Variants in RBBP6 observed in about 807,000 individuals in gnomAD.
The protein encoded by RBBP6 is RB binding protein 6, ubiquitin ligase, also known as E3 ubiquitin-protein ligase RBBP6.
RBBP6 carries 25 observed loss-of-function variants against 167.7 expected under a neutral mutation model. The ratio of observed to expected loss-of-function variants is 0.15; its 90% CI spans 0.11 to 0.21. The LOEUF is 0.21. Ranked by LOEUF, RBBP6 falls within the 10% of genes least tolerant of loss-of-function variation. RBBP6 has a pLI of 1.00. For synonymous variants in RBBP6, 789 were observed against 735.8 expected, an observed-to-expected ratio of 1.07 and a Z score of -1.17; for missense variants, 1,868 against 2,134.2, an observed-to-expected ratio of 0.88 and a Z score of 2.46.
At chr16:24,563,017 A>C (rs114057711) in intron 10 of RBBP6, among the ~76,000 whole-genome samples, 182 bp from the exon 11 acceptor site, 1 of 152,072 alleles carries the variant, frequency 6.6e-6, no homozygotes, top group South Asian at 2.1e-4. Context: ...TTACTTTTCC[A>C]CTTACTACAT....
intron 10 of RBBP6, among the ~76,000 whole-genome samples, chr16:24,562,884 A>T (rs1899100240): frequency 6.6e-6 from 1 of 152,140 alleles, no homozygotes; most frequent in African/African-American, 2.4e-5. Context: ...CTAGAGCTAA[A>T]ACTTAACTCT....
chr16:24,560,274 T>C (rs1056218482), intron 8 of RBBP6, among the ~76,000 whole-genome samples: 2 of 152,076 alleles, frequency 1.3e-5, no homozygotes, highest in South Asian at 4.2e-4. Context: ...ACCCGGCTAA[T>C]GTTTTGTATT....
chr16:24,567,081 A>T (rs1899212306), intron 14 of RBBP6, 62 bp from the exon 15 acceptor site: 1 of 1,500,270 alleles, frequency 6.7e-7, no homozygotes, highest in African/African-American at 1.4e-5. Context: ...AGAAGAGATA[A>T]GCTTACTTGT....
chr16:24,552,590 A>C (rs1160681230), intron 3 of RBBP6, among the ~76,000 whole-genome samples: 1 of 151,824 alleles, frequency 6.6e-6, no homozygotes, highest in Non-Finnish European at 1.5e-5. Flanking sequence ...TTTAAAATAC[A>C]TTTTTATTTT....
At chr16:24,542,677 G>C (rs1898533980) in intron 1 of RBBP6, among the ~76,000 whole-genome samples, 1 of 152,104 alleles carries the variant, frequency 6.6e-6, no homozygotes, top group South Asian at 2.1e-4. Context: ...TGGCCAGGCT[G>C]GTCTCGAACT....
chr16:24,570,300 G>C lies in RBBP6; in HGVS notation c.3610G>C (p.Ala1204Pro), dbSNP rs1466340614. Reference sequence around the variant, plus strand: ...TGAAAAGGACAAAATTTCTTTAAGTGCGCCAGCCAAAAAAATCAAACTCAA... The same window carrying C: ...TGAAAAGGACAAAATTTCTTTAAGTCCGCCAGCCAAAAAAATCAAACTCAA... Reference protein sequence around the residue: ...TPEKDKISLSAPAKKIKLNRE... With the variant: ...TPEKDKISLSPPAKKIKLNRE... Residue 1204 changes from alanine to proline, a missense_variant, in exon 17 of 18, where the codon GCG (alanine) becomes CCG (proline). Coordinates refer to ENST00000319715, the MANE Select transcript of RBBP6 (RefSeq NM_006910.5). The C allele has an allele frequency of 1.2e-6, 2 of 1,609,740 alleles. No individual in the cohort carries two copies. Among genetic ancestry groups the C allele is most frequent in the African/African-American group, 2.7e-5 (2 of 74,488 alleles).
At position 24,571,014 on chromosome 16, in the gene RBBP6, T is replaced by A. The variant is rs1331800127; in HGVS notation, c.3948T>A (p.Val1316=). 1.2e-6 allele frequency: 2 copies of A among 1,612,846 alleles called. No homozygotes were observed. Among genetic ancestry groups the A allele is most frequent in the East Asian group, 2.2e-5 (1 of 44,832 alleles). Reference sequence around the variant, plus strand: ...AAGATGTTATCATTATGATTCAGGTTCCTCAATCCAAATGGGATAAAGATG... The same window carrying A: ...AAGATGTTATCATTATGATTCAGGTACCTCAATCCAAATGGGATAAAGATG... The part of the protein sequence containing the change: ...PAEDVIIMIQ[V]PQSKWDKDDF... Residue 1316 remains valine (V), a synonymous_variant, in exon 18 of 18, where the codon GTT becomes GTA. Transcript: ENST00000319715.
intron 4 of RBBP6, 49 bp downstream of exon 4, chr16:24,553,606 A>T (rs773201952): frequency 1.4e-6 from 2 of 1,424,970 alleles, no homozygotes; most frequent in Non-Finnish European, 1.9e-6. Context: ...TTCTAACATC[A>T]TATTTTTTTA....
chr16:24,554,772 T>G (rs1328725505), intron 4 of RBBP6: 1 of 151,522 alleles, frequency 6.6e-6, no homozygotes, highest in Non-Finnish European at 1.5e-5. Flanking sequence ...TTGGTTTTTT[T>G]TTTTTGTTTT....
intron 3 of RBBP6, chr16:24,549,436 T>A: frequency 1.1e-6 from 1 of 945,270 alleles, no homozygotes; most frequent in Non-Finnish European, 1.3e-6. Context: ...CACTTAGTTT[T>A]TGTTAGTTTT....
chr16:24,563,180 T>C lies in RBBP6; in HGVS notation c.1290-19T>C. ...ATTTCTGATAATTTTTAATGTATTA[T>C]AATTTATGTTTTTTAAAGGGATTCT... On this transcript the variant is annotated intron_variant, in intron 10 of 17. Coordinates refer to ENST00000319715, the MANE Select transcript of RBBP6 (RefSeq NM_006910.5). The C allele has an allele frequency of 6.4e-7, 1 of 1,569,176 alleles. No individual in the cohort carries two copies. Among genetic ancestry groups the C allele is most frequent in the Non-Finnish European group, 8.7e-7 (1 of 1,149,172 alleles).
chr16:24,571,180 A>G lies in RBBP6; in HGVS notation c.4114A>G (p.Lys1372Glu), dbSNP rs752059378. 3.3e-5 allele frequency: 54 copies of G among 1,613,934 alleles called. No homozygotes were observed. Among genetic ancestry groups the G allele is most frequent in the Admixed American group, 1.2e-4 (7 of 60,002 alleles). Residue 1372 changes from lysine (K) to glutamate (E), a missense_variant, in exon 18 of 18, where the codon AAA becomes GAA. Physicochemically the swap from Lys to Glu is moderately conservative, Grantham distance 56. This residue lies in a region of RBBP6 where 591 missense variants were observed against 540.5 expected (regional missense o/e 1.09). Coordinates refer to ENST00000319715, the MANE Select transcript of RBBP6 (RefSeq NM_006910.5). ...TGAGAAAGAAAGTGAGCCATCCGAG[A>G]AAATTCAGAAATTCACCAAGGACGT... ...YPEKESEPSE[K>E]IQKFTKDVSH...
Position 24,567,322 on chromosome 16 carries a change from G to T in RBBP6, c.1769G>T (p.Gly590Val). Residue 590 changes from glycine to valine, a missense_variant, in exon 15 of 18, where the codon GGC (glycine) becomes GTC (valine). This residue lies in a region of RBBP6 where 145 missense variants were observed against 224.3 expected (regional missense o/e 0.65). Coordinates refer to ENST00000319715, the MANE Select transcript of RBBP6 (RefSeq NM_006910.5). The stretch of plus-strand genomic sequence containing the variant: ...CAGTTTTCTCCTCAGTTTCCTCCTG[G>T]CCAGCCACCACCCGCTGGGTATAGT... Reference protein sequence around the residue: ...PPQFSPQFPPGQPPPAGYSVP... With the variant: ...PPQFSPQFPPVQPPPAGYSVP... 6.2e-7 allele frequency: 1 copy of T among 1,613,812 alleles called. No homozygotes were observed. The highest frequency in any genetic ancestry group is 8.5e-7 in the Non-Finnish European group (1 of 1,179,962).
intron 7 of RBBP6, chr16:24,558,376 CTTTTTTTCTTTTTTT>C (rs1378565761): frequency 3.0e-5 from 21 of 698,306 alleles, no homozygotes; most frequent in Admixed American, 6.4e-5. Context: ...CTGTTCTCCT[CTTTTTTTCTTTTTTT>C]TTTTTTTCTT....
At position 24,553,529 on chromosome 16, in the gene RBBP6, C is replaced by T. The variant is rs368643832; in HGVS notation, c.320C>T (p.Ala107Val). 1.9e-5 allele frequency: 30 copies of T among 1,609,476 alleles called. No homozygotes were observed. Among genetic ancestry groups the T allele is most frequent in the African/African-American group, 4.0e-5 (3 of 74,518 alleles). ...ATTKAIDDSS[A>V]SISLAQLTKT... ...TGTGAACAGATTGATGACTCTTCCG[C>T]GTCTATTTCTCTGGCCCAGCTTACA... Residue 107 changes from alanine to valine, a missense_variant, in exon 4 of 18, where the codon GCG becomes GTG. By Grantham distance (64) the Ala-to-Val change is moderately conservative. Coordinates refer to ENST00000319715, the MANE Select transcript of RBBP6 (RefSeq NM_006910.5).
intron 2 of RBBP6, among the ~76,000 whole-genome samples, chr16:24,547,238 G>T (rs1898680495): frequency 6.6e-6 from 1 of 152,072 alleles, no homozygotes; most frequent in Admixed American, 6.5e-5. Context: ...CCTCATATGG[G>T]CAAGTATTCT....
chr16:24,555,195 A>G (rs915305449), intron 4 of RBBP6: 17 of 153,558 alleles, frequency 1.1e-4, no homozygotes, highest in African/African-American at 4.1e-4. Flanking sequence ...TCTACTTCTA[A>G]TATCTGCTGC....
chr16:24,558,392 T>C lies in RBBP6; in HGVS notation c.675-1113T>C, dbSNP rs1181999762. 1.4e-5 allele frequency: 11 copies of C among 797,902 alleles called. No homozygotes were observed. In the South Asian group the frequency reaches 2.3e-4, roughly 17 times the overall value. 49.4% of individuals were successfully genotyped at this position (797,902 alleles called of 1,614,324 possible). ...TGTTCTCCTCTTTTTTTCTTTTTTT[T>C]TTTTTTCTTTTTTCTCTCTTTTGGG... On this transcript the variant is annotated intron_variant, in intron 7 of 17. Transcript: ENST00000319715.
intron 7 of RBBP6, chr16:24,558,553 C>A (rs534192299): frequency 5.5e-5 from 49 of 891,218 alleles, no homozygotes; most frequent in Non-Finnish European, 6.5e-5. Flanking sequence ...CTCTGTACAG[C>A]CGAGATTCTT....
Sources: allele counts gnomAD v4.1 joint callset (sites outside exome capture counted in the v4.1 genomes callset), GRCh38; gene constraint gnomAD v4.1.1; regional missense constraint gnomAD v4.1.1; transcripts MANE v1.5; gene names NCBI Gene and HGNC (gene_info 2026-07-23, HGNC 2026-07-21).